The following CACNA1D variants were observed in gnomAD, a reference collection of about 807,000 sequenced individuals.
CACNA1D encodes the protein voltage-dependent L-type calcium channel subunit alpha-1D.
CACNA1D carries 55 observed loss-of-function variants against 257.1 expected under a neutral mutation model. The observed-to-expected ratio is 0.21, with a 90% CI of 0.17 to 0.27. The LOEUF (loss-of-function observed/expected upper bound fraction) is 0.27. Ranked by LOEUF, CACNA1D falls within the 10% of genes least tolerant of loss-of-function variation. The probability of loss-of-function intolerance (pLI) is 1.00; values close to 1 mark genes in which losing one functional copy is unlikely to be tolerated. For missense variants in CACNA1D, 1,876 were observed against 2,784.0 expected (o/e 0.67, Z 7.34); for synonymous variants, 980 against 1,014.9 (o/e 0.97, Z 0.65).
chr3:53,544,340 T>C (rs752875966), intron 3 of CACNA1D, among the ~76,000 whole-genome samples: 3 of 152,202 alleles, frequency 2.0e-5, no homozygotes, highest in Admixed American at 2.0e-4. Context: ...AATGCAGGGC[T>C]AACAGTAATT....
At chr3:53,586,290 GTGTGTGT>G (rs2093215539) in intron 3 of CACNA1D, among the ~76,000 whole-genome samples, 1 of 151,066 alleles carries the variant, frequency 6.6e-6, no homozygotes, top group Admixed American at 6.6e-5. Context: ...GTGTGTGTGT[GTGTGTGT>G]GTGTGTGTGT....
At chr3:53,770,691 G>A in intron 32 of CACNA1D, 139 bp downstream of exon 32, 1 of 756,374 alleles carries the variant, frequency 1.3e-6, no homozygotes, top group Non-Finnish European at 2.2e-6. Flanking sequence ...ATGGAATGCT[G>A]GAGAGACCCA....
chr3:53,623,036 C>T (rs1046163071), intron 3 of CACNA1D, among the ~76,000 whole-genome samples: 7 of 152,092 alleles, frequency 4.6e-5, no homozygotes, highest in African/African-American at 9.7e-5. Flanking sequence ...GCACTACAGG[C>T]GCTCGCCAAC....
intron 9 of CACNA1D, among the ~76,000 whole-genome samples, chr3:53,703,361 G>A (rs531193673): frequency 1.3e-5 from 2 of 152,316 alleles, no homozygotes; most frequent in East Asian, 3.9e-4. Flanking sequence ...AGTGACAGCT[G>A]CTTTGCTGTC....
intron 5 of CACNA1D, 66 bp from the exon 6 acceptor site, chr3:53,665,594 A>G: frequency 1.6e-6 from 2 of 1,228,642 alleles, no homozygotes; most frequent in South Asian, 2.4e-5. Context: ...ATGGTTAGGA[A>G]TTATATATAT....
intron 30 of CACNA1D, among the ~76,000 whole-genome samples, chr3:53,764,563 G>A (rs73841001): frequency 0.077 from 11,655 of 152,262 alleles, 1,518 homozygotes; most frequent in African/African-American, 0.27. Flanking sequence ...GCTTTCTCAC[G>A]CCTGACCTGC....
intron 44 of CACNA1D, among the ~76,000 whole-genome samples, chr3:53,804,551 C>A (rs2095552552): frequency 6.6e-6 from 1 of 152,240 alleles, no homozygotes; most frequent in African/African-American, 2.4e-5. Flanking sequence ...CAGCACTGGC[C>A]CTTTCCAGCT....
In CACNA1D at chr3:53,774,352, G is replaced by T. The variant is rs1275638480; in HGVS notation, c.4111-235G>T. On this transcript the variant is annotated intron_variant, in intron 33 of 47. Coordinates refer to ENST00000350061, the MANE Select transcript of CACNA1D (RefSeq NM_001128840.3). The surrounding 1 kb of genome is among the most constrained non-coding windows in gnomAD (Gnocchi z 4.3). ...CTGGCTACCTTTGTGTCTCCCCCAG[G>T]GGAGATCCGCGAATGTGAGACCGTG... The T allele has an allele frequency of 3.9e-6, 2 of 517,168 alleles. No individual in the cohort carries two copies. Among genetic ancestry groups the T allele is most frequent in the African/African-American group, 1.9e-5 (1 of 51,888 alleles). 32.0% of individuals were successfully genotyped at this position (517,168 alleles called of 1,614,324 possible). A position where few individuals can be genotyped will look rare whatever the true frequency, so the allele number is the denominator to read the frequency against.
chr3:53,786,570 TA>T (rs1158379746), intron 39 of CACNA1D: 126 of 497,952 alleles, frequency 2.5e-4, no homozygotes, highest in South Asian at 2.3e-3. Flanking sequence ...TCATAACAAA[TA>T]TATTATTTTC....
At chr3:53,572,358 GTTTGTTTGTTTGTTTGTTTA>G (rs1320949250) in intron 3 of CACNA1D, among the ~76,000 whole-genome samples, 1 of 33,456 alleles carries the variant, frequency 3.0e-5, no homozygotes, top group African/African-American at 6.9e-5. Context: ...TCTGCCTCTG[GTTTGTTTGTTTGTTTGTTTA>G]TTTATTTATT....
intron 30 of CACNA1D, among the ~76,000 whole-genome samples, chr3:53,769,490 G>A (rs2095354467): frequency 1.3e-5 from 2 of 152,296 alleles, no homozygotes; most frequent in South Asian, 4.1e-4. Context: ...CCACCCAGGC[G>A]TTTAGTCTCA....
chr3:53,526,177 G>A (rs10440150), intron 3 of CACNA1D, among the ~76,000 whole-genome samples: 14,772 of 152,278 alleles, frequency 0.097, 2,110 homozygotes, highest in African/African-American at 0.31. Context: ...GGCCAGGGAC[G>A]TGTGCAGCAC....
At chr3:53,641,688 G>A (rs6763245) in intron 3 of CACNA1D, among the ~76,000 whole-genome samples, 32,489 of 152,106 alleles carry the variant, frequency 0.21, 4,056 homozygotes, top group East Asian at 0.55. Context: ...AGTCTGAAGC[G>A]TCAAGTTTAC....
Position 53,749,291 on chromosome 3 carries a change from C to G in CACNA1D, c.3338C>G (p.Ser1113Trp). 1 of 1,613,798 alleles carries G rather than the reference C, an allele frequency of 6.2e-7. No homozygotes were observed. The highest frequency in any genetic ancestry group is 8.5e-7 in the Non-Finnish European group (1 of 1,179,706). The change falls in exon 27 of 48, where the codon TCG (serine) becomes TGG (tryptophan). Residue 1113 changes from serine to tryptophan, a missense_variant. Around this residue, in one of 10 missense-constraint regions of CACNA1D, gnomAD observed 271 missense variants for 425.5 expected, o/e 0.64. Transcript: ENST00000350061. Reference protein sequence around the residue: ...WPALLYKAIDSNGENIGPIYN... With the variant: ...WPALLYKAIDWNGENIGPIYN... ...AGGTTGCTGTATAAAGCCATCGACT[C>G]GAATGGAGAGAACATCGGCCCAATC...
chr3:53,554,707 G>T (rs187580710), intron 3 of CACNA1D, among the ~76,000 whole-genome samples: 21 of 152,320 alleles, frequency 1.4e-4, no homozygotes, highest in Admixed American at 1.3e-3. Context: ...GCTGCGTGAG[G>T]TTAAAGCACA....
At chr3:53,665,833 C>T in intron 6 of CACNA1D, 21 bp downstream of exon 6, 3 of 1,601,276 alleles carry the variant, frequency 1.9e-6, no homozygotes, top group Non-Finnish European at 2.6e-6. Context: ...AGAATTGTAG[C>T]TAACTTAACT....
intron 3 of CACNA1D, among the ~76,000 whole-genome samples, chr3:53,573,103 G>A (rs76101066): frequency 1.0e-3 from 154 of 152,214 alleles, no homozygotes; most frequent in African/African-American, 3.5e-3. Flanking sequence ...CTTAGATGTC[G>A]CCTCTGTTAG....
intron 3 of CACNA1D, among the ~76,000 whole-genome samples, chr3:53,640,220 A>G (rs931431350): frequency 6.6e-6 from 1 of 152,178 alleles, no homozygotes; most frequent in Non-Finnish European, 1.5e-5. Flanking sequence ...CCTGAACTCC[A>G]TAGATTCCCA....
At chr3:53,656,071 C>T (rs112990145) in intron 4 of CACNA1D, among the ~76,000 whole-genome samples, 1,745 of 152,158 alleles carry the variant, frequency 0.011, 22 homozygotes, top group African/African-American at 0.032. Context: ...TCACCTTTGT[C>T]GAAGATCAGA....
Sources: allele counts gnomAD v4.1 joint callset (sites outside exome capture counted in the v4.1 genomes callset), GRCh38; gene constraint gnomAD v4.1.1; regional missense constraint gnomAD v4.1.1; non-coding constraint Gnocchi (gnomAD v3.1); transcripts MANE v1.5; gene names NCBI Gene and HGNC (gene_info 2026-07-23, HGNC 2026-07-21).